Variants in CPNE9 observed in about 807,000 individuals in gnomAD.
CPNE9 encodes copine family member 9, also known as copine-9.
Under a neutral mutation model 83.0 loss-of-function variants are expected in CPNE9, and 59 were observed. That is an observed-to-expected ratio of 0.71 (90% CI 0.58 to 0.88). The LOEUF (loss-of-function observed/expected upper bound fraction) is 0.88, where lower values mean the gene tolerates loss of function less well. Ranked by LOEUF, CPNE9 falls within the 40% of genes least tolerant of loss-of-function variation. The pLI, the probability that CPNE9 is intolerant of heterozygous loss-of-function variation, is 0.00. For synonymous variants in CPNE9, 256 were observed against 273.4 expected (o/e 0.94, Z 0.63); for missense variants, 619 against 720.8 (o/e 0.86, Z 1.62).
rs1313642994 is a variant in CPNE9 at position 9,704,153 on chromosome 3, C to A, written c.68+89C>A. 3.1e-6 allele frequency: 4 copies of A among 1,279,828 alleles called. No individual in the cohort carries two copies. The African/African-American group carries it at 4.5e-5, about 15-fold the overall frequency. 79.3% of individuals were successfully genotyped at this position (1,279,828 alleles called of 1,614,324 possible). On this transcript the variant is annotated intron_variant, in intron 1 of 20. Transcript: ENST00000383832. This position sits in a 1 kb window ranked among gnomAD's most constrained non-coding sequence, Gnocchi z 7.1. ...GGCTCAGCCTGGGCAGGGGCTAGAC[C>A]CCCGGGGAGAGGCGAAATTGGCTGG...
chr3:9,725,757 G>GTA (rs1435495828), intron 17 of CPNE9, among the ~76,000 whole-genome samples, 192 bp from the exon 18 acceptor site: 2 of 147,244 alleles, frequency 1.4e-5, no homozygotes, highest in Non-Finnish European at 3.0e-5. Flanking sequence ...ATATGTGTGT[G>GTA]TATATATATG....
chr3:9,709,438 G>A (rs1193951084), intron 7 of CPNE9, among the ~76,000 whole-genome samples: 1 of 144,554 alleles, frequency 6.9e-6, no homozygotes, highest in Non-Finnish European at 1.5e-5. Context: ...GTGTGATCTT[G>A]GCCCACTGCA....
rs970898919 is a variant in CPNE9, at chr3:9,704,369, T to C, written c.69-218T>C. On this transcript the variant is annotated intron_variant, in intron 1 of 20. Coordinates refer to ENST00000383832, the MANE Select transcript of CPNE9 (RefSeq NM_153635.3). The surrounding 1 kb of genome is among the most constrained non-coding windows in gnomAD (Gnocchi z 7.1). ...CTTTCCTGGGCCCTTGGAGACAGTG[T>C]GGGTGCGTTCGCGTCCAGTCCGCAG... Among the ~76,000 whole-genome samples, 3 of 152,122 alleles carry C rather than the reference T, an allele frequency of 2.0e-5. No homozygotes were observed. The highest frequency in any genetic ancestry group is 4.4e-5 in the Non-Finnish European group (3 of 68,026).
intron 17 of CPNE9, among the ~76,000 whole-genome samples, 189 bp from the exon 18 acceptor site, chr3:9,725,760 T>C (rs1400040290): frequency 6.6e-6 from 1 of 150,562 alleles, no homozygotes; most frequent in African/African-American, 2.5e-5. Context: ...TGTGTGTGTA[T>C]ATATATGGAT....
chr3:9,715,855 C>A, intron 13 of CPNE9, 119 bp from the exon 14 acceptor site: 2 of 789,146 alleles, frequency 2.5e-6, no homozygotes, highest in Non-Finnish European at 4.3e-6. Context: ...ACTGGGGGAG[C>A]GGGTGGAATC....
At chr3:9,714,249 T>A (rs1291474022) in intron 10 of CPNE9, among the ~76,000 whole-genome samples, 1 of 152,028 alleles carries the variant, frequency 6.6e-6, no homozygotes, top group African/African-American at 2.4e-5. Flanking sequence ...CCTCAGTGAG[T>A]CAGTGAATGG....
intron 16 of CPNE9, 24 bp downstream of exon 16, chr3:9,718,234 C>T (rs1421530687): frequency 6.3e-7 from 1 of 1,575,660 alleles, no homozygotes. Context: ...CAGAGCTTAC[C>T]CTCCGTGCCC....
intron 20 of CPNE9, among the ~76,000 whole-genome samples, chr3:9,728,264 G>A (rs2076800848): frequency 6.6e-6 from 1 of 152,146 alleles, no homozygotes; most frequent in Non-Finnish European, 1.5e-5. Flanking sequence ...AAGGCAGGAG[G>A]GCCTCTTGAG....
chr3:9,714,639 T>TAAAAA (rs34491669), intron 10 of CPNE9, among the ~76,000 whole-genome samples: 56 of 103,326 alleles, frequency 5.4e-4, no homozygotes, highest in Non-Finnish European at 7.4e-4. Flanking sequence ...CTCAAAGTGG[T>TAAAAA]AAAAAAAAAA....
intron 17 of CPNE9, among the ~76,000 whole-genome samples, chr3:9,719,734 C>T (rs2076717895): frequency 6.6e-6 from 1 of 152,136 alleles, no homozygotes; most frequent in East Asian, 1.9e-4. Flanking sequence ...TGGCTCACAC[C>T]TGTAATCCCA....
chr3:9,729,361 T>G, intron 20 of CPNE9, 146 bp from the exon 21 acceptor site: 1 of 1,234,930 alleles, frequency 8.1e-7, no homozygotes, highest in Non-Finnish European at 1.1e-6. Context: ...AGAAAGCAAA[T>G]GTAGAAAACT....
At chr3:9,724,719 CCTATCTATCTATCTATCTATCTATCTAT>C (rs56320778) in intron 17 of CPNE9, among the ~76,000 whole-genome samples, 5 of 146,936 alleles carry the variant, frequency 3.4e-5, no homozygotes, top group East Asian at 2.0e-4. Context: ...ACATCAGGAT[CCTATCTATCTATCTATCTATCTATCTAT>C]CTATCTATCT....
intron 17 of CPNE9, among the ~76,000 whole-genome samples, chr3:9,721,282 G>A (rs1385583566): frequency 2.0e-5 from 3 of 152,228 alleles, no homozygotes; most frequent in Non-Finnish European, 4.4e-5. Flanking sequence ...AAGCGACAGC[G>A]TCCCTCTGGG....
rs547702207 is a variant in CPNE9 at position 9,713,797 on chromosome 3, C to T, written c.650+718C>T. Reference sequence around the variant, plus strand: ...ATAAAGACAGATGGTAGGGGCCGGGCGCGGTGGCTCACACATGTAATCCCA... The same window carrying T: ...ATAAAGACAGATGGTAGGGGCCGGGTGCGGTGGCTCACACATGTAATCCCA... On this transcript the variant is annotated intron_variant, in intron 10 of 20. Transcript: ENST00000383832. Among the ~76,000 whole-genome samples, 5 of 152,160 alleles carry T rather than the reference C, an allele frequency of 3.3e-5. No individual in the cohort carries two copies. In the South Asian group the frequency reaches 8.3e-4, roughly 25 times the overall value.
chr3:9,722,867 T>C (rs1428434386), intron 17 of CPNE9, among the ~76,000 whole-genome samples: 2 of 152,150 alleles, frequency 1.3e-5, no homozygotes, highest in Non-Finnish European at 2.9e-5. Flanking sequence ...TGCCATTCTC[T>C]TTCTCTGGAA....
chr3:9,728,402 T>C (rs1487796138), intron 20 of CPNE9, among the ~76,000 whole-genome samples: 1 of 152,128 alleles, frequency 6.6e-6, no homozygotes, highest in Non-Finnish European at 1.5e-5. Flanking sequence ...GGCGGGCGGA[T>C]TGCCTGAGGT....
chr3:9,703,926 C>T lies in CPNE9; in HGVS notation c.-71C>T, dbSNP rs1295190375. ...ACCGCGGCACATGGGCCGGCCCCGC[C>T]GCTGCCGTCGCCCCTAGCCCCAGCA... is the stretch of plus-strand genomic sequence containing the variant. On this transcript the variant is annotated 5_prime_UTR_variant, in exon 1 of 21. Coordinates refer to ENST00000383832, the MANE Select transcript of CPNE9 (RefSeq NM_153635.3). 1 of 1,317,504 alleles carries T rather than the reference C, an allele frequency of 7.6e-7. No individual in the cohort carries two copies. Among genetic ancestry groups the T allele is most frequent in the Non-Finnish European group, 1.0e-6 (1 of 980,872 alleles). The allele number at this position is 1,317,504 out of a possible 1,614,324, so 81.6% of individuals were successfully genotyped here.
At position 9,717,167 on chromosome 3, in the gene CPNE9, G is replaced by C. The variant is rs2076691733; in HGVS notation, c.931+63G>C. On this transcript the variant is annotated intron_variant, in intron 15 of 20. Transcript: ENST00000383832. ...GGCACTTCTAAGGGAGTCATTAGGA[G>C]TTGGCCTGGATTCCTACCTAGAGAT... 5.1e-6 allele frequency: 8 copies of C among 1,562,812 alleles called. No individual in the cohort carries two copies. In the East Asian group the frequency reaches 1.8e-4, roughly 35 times the overall value.
Position 9,729,648 on chromosome 3 carries a change from C to T in CPNE9, c.1618C>T (p.Pro540Ser). 2 of 1,613,924 alleles carry T rather than the reference C, an allele frequency of 1.2e-6. No homozygotes were observed. The highest frequency in any genetic ancestry group is 8.5e-7 in the Non-Finnish European group (1 of 1,179,896). ...RTRDIQPRPP[P>S]PANPSPIPAP... ...CAGAGACATCCAGCCTCGGCCCCCA[C>T]CCCCTGCCAACCCCAGCCCGATCCC... The change falls in exon 21 of 21, where the codon CCC becomes TCC. Residue 540 changes from proline (P) to serine (S), a missense_variant. By Grantham distance (74) the Pro-to-Ser change is moderately conservative (BLOSUM62 -1). This residue lies in a region of CPNE9 where 51 missense variants were observed against 40.4 expected (regional missense o/e 1.26). Coordinates refer to ENST00000383832, the MANE Select transcript of CPNE9 (RefSeq NM_153635.3).
Sources: gnomAD v4.1 joint callset for allele counts (sites outside exome capture counted in the v4.1 genomes callset) on GRCh38, gnomAD v4.1.1 for gene constraint, gnomAD v4.1.1 regional missense constraint, Gnocchi (gnomAD v3.1) non-coding constraint, MANE v1.5 for transcripts, NCBI Gene and HGNC (gene_info 2026-07-23, HGNC 2026-07-21) for gene names.